The following TSHZ3 variants were observed in gnomAD, a reference collection of about 807,000 sequenced individuals.
TSHZ3 encodes the protein teashirt zinc finger homeobox 3.
Under a neutral mutation model 64.5 loss-of-function variants are expected in TSHZ3, and 10 were observed. The observed-to-expected ratio is 0.16, with a 90% CI of 0.10 to 0.26. The LOEUF (loss-of-function observed/expected upper bound fraction) is 0.26, where lower values mean the gene tolerates loss of function less well. Ranked by LOEUF, TSHZ3 falls within the 10% of genes least tolerant of loss-of-function variation. The pLI, the probability that TSHZ3 is intolerant of heterozygous loss-of-function variation, is 1.00. For missense variants in TSHZ3, 1,242 were observed against 1,421.7 expected, an observed-to-expected ratio of 0.87 and a Z score of 2.03; for synonymous variants, 608 against 593.1, an observed-to-expected ratio of 1.03 and a Z score of -0.36.
exon 4 of TSHZ3, among the ~76,000 whole-genome samples, chr19:31,228,069 T>A (rs981424233): frequency 6.6e-6 from 1 of 152,142 alleles, no homozygotes; most frequent in Non-Finnish European, 1.5e-5. Context: ...ACATTCTCCG[T>A]GGAACATCTA....
chr19:31,297,678 G>C, intron 1 of TSHZ3, among the ~76,000 whole-genome samples: 1 of 152,004 alleles, frequency 6.6e-6, no homozygotes, highest in Non-Finnish European at 1.5e-5. Flanking sequence ...ATGTTGCCCA[G>C]GCTGGTCTTG....
chr19:31,205,357 T>A (rs777868076), intron 4 of TSHZ3, among the ~76,000 whole-genome samples: 1 of 152,204 alleles, frequency 6.6e-6, no homozygotes, highest in East Asian at 1.9e-4. Context: ...TTCCTGCCCC[T>A]TTTTTATTCC....
At chr19:31,333,184 G>A (rs1195858521) in intron 1 of TSHZ3, among the ~76,000 whole-genome samples, 1 of 151,798 alleles carries the variant, frequency 6.6e-6, no homozygotes, top group Non-Finnish European at 1.5e-5. Flanking sequence ...CAAAGTGTCT[G>A]GGAGTTGGGG....
intron 1 of TSHZ3, among the ~76,000 whole-genome samples, chr19:31,247,626 G>A (rs922791109): frequency 6.6e-6 from 1 of 152,192 alleles, no homozygotes; most frequent in Admixed American, 6.5e-5. Context: ...CCACTAAGGA[G>A]AGTGTTAGGA....
At position 31,244,212 on chromosome 19, in the gene TSHZ3, G is replaced by A. The variant is rs553641033; in HGVS notation, n.64-1337C>T. ...CTGGTGGGAGGTGATTGGATCTTGG[G>A]GGCGGATTTCCTCCCCATGCTGCTC... On this transcript the variant is annotated intron_variant and non_coding_transcript_variant, in intron 1 of 6. Coordinates refer to the TSHZ3 transcript ENST00000651361. Among the ~76,000 whole-genome samples the A allele has an allele frequency of 2.6e-5, 4 of 152,192 alleles. No homozygotes were observed. In the East Asian group the frequency reaches 5.8e-4, roughly 22 times the overall value.
At chr19:31,213,270 T>C (rs559708859) in intron 4 of TSHZ3, among the ~76,000 whole-genome samples, 32 of 144,744 alleles carry the variant, frequency 2.2e-4, no homozygotes, top group African/African-American at 7.8e-4. Flanking sequence ...GGCAGGAGAA[T>C]TGCTTGAACC....
At chr19:31,309,596 G>A (rs1916398057) in intron 1 of TSHZ3, among the ~76,000 whole-genome samples, 1 of 152,180 alleles carries the variant, frequency 6.6e-6, no homozygotes, top group Non-Finnish European at 1.5e-5. Flanking sequence ...GAAAGGCCTG[G>A]AAACAGGCCC....
intron 5 of TSHZ3, among the ~76,000 whole-genome samples, chr19:31,175,337 G>A (rs959359938): frequency 2.0e-5 from 3 of 152,216 alleles, no homozygotes; most frequent in Non-Finnish European, 2.9e-5. Flanking sequence ...AGTGTTAAAT[G>A]TTATGTGCAT....
chr19:31,205,122 G>A (rs937142081), intron 4 of TSHZ3, among the ~76,000 whole-genome samples: 3 of 152,126 alleles, frequency 2.0e-5, no homozygotes, highest in African/African-American at 7.2e-5. Context: ...CCATTCTGGA[G>A]AGGTTCCTTG....
chr19:31,150,220 C>G (rs1395445993), exon 7 of TSHZ3, among the ~76,000 whole-genome samples: 1 of 152,186 alleles, frequency 6.6e-6, no homozygotes, highest in Non-Finnish European at 1.5e-5. Flanking sequence ...CTGCTGACTG[C>G]CTCCTCCATG....
At chr19:31,226,973 C>CTTTTTT (rs1255178594) in intron 4 of TSHZ3, among the ~76,000 whole-genome samples, 72 of 68,116 alleles carry the variant, frequency 1.1e-3, no homozygotes, top group African/African-American at 6.3e-3. Context: ...TTCTTTCTTT[C>CTTTTTT]TTTCTTTTTT....
At chr19:31,334,223 A>G (rs1007672214) in intron 1 of TSHZ3, among the ~76,000 whole-genome samples, 1 of 152,320 alleles carries the variant, frequency 6.6e-6, no homozygotes, top group Middle Eastern at 3.4e-3. Flanking sequence ...AAGAGAAAAT[A>G]ACACCACCGC....
intron 5 of TSHZ3, among the ~76,000 whole-genome samples, chr19:31,188,882 A>T (rs1015451195): frequency 1.3e-5 from 2 of 151,906 alleles, no homozygotes; most frequent in Non-Finnish European, 2.9e-5. Flanking sequence ...TTGAAATTTG[A>T]TAGAATTCAA....
intron 4 of TSHZ3, among the ~76,000 whole-genome samples, chr19:31,206,277 G>GT (rs1975172931): frequency 6.6e-6 from 1 of 151,182 alleles, no homozygotes; most frequent in Admixed American, 6.6e-5. Context: ...GGATGGATAC[G>GT]TAGATGGATG....
At chr19:31,253,607 C>T (rs1281643089) in intron 1 of TSHZ3, among the ~76,000 whole-genome samples, 3 of 152,074 alleles carry the variant, frequency 2.0e-5, no homozygotes, top group Non-Finnish European at 4.4e-5. Context: ...AGCAATCCTC[C>T]CCCTTCAGCC....
intron 1 of TSHZ3, among the ~76,000 whole-genome samples, chr19:31,336,170 C>T (rs1371874787): frequency 2.0e-5 from 3 of 152,206 alleles, no homozygotes; most frequent in African/African-American, 7.2e-5. Flanking sequence ...GCATATTTCA[C>T]TGAAAAGCAA....
At chr19:31,158,678 C>T (rs1974335406) in intron 5 of TSHZ3, among the ~76,000 whole-genome samples, 1 of 152,128 alleles carries the variant, frequency 6.6e-6, no homozygotes, top group South Asian at 2.1e-4. Context: ...AATAATTCTA[C>T]AACTCACCAT....
At chr19:31,231,751 C>A (rs1183427621) in intron 3 of TSHZ3, among the ~76,000 whole-genome samples, 1 of 152,150 alleles carries the variant, frequency 6.6e-6, no homozygotes, top group Non-Finnish European at 1.5e-5. Context: ...ATAACTCCAA[C>A]CGGAGCTTAC....
chr19:31,212,050 CTT>C (rs112482043), intron 4 of TSHZ3, among the ~76,000 whole-genome samples: 1 of 146,500 alleles, frequency 6.8e-6, no homozygotes, highest in African/African-American at 2.5e-5. Flanking sequence ...TTCTTTCTCT[CTT>C]TTTTTTTTTC....
Sources: gnomAD v4.1 joint callset for allele counts (sites outside exome capture counted in the v4.1 genomes callset) on GRCh38, gnomAD v4.1.1 for gene constraint, MANE v1.5 for transcripts, NCBI Gene and HGNC (gene_info 2026-07-23, HGNC 2026-07-21) for gene names.